The following LIMS1 variants were observed in gnomAD, a reference collection of about 807,000 sequenced individuals.
LIMS1 encodes LIM zinc finger domain containing 1.
LIMS1 carries 18 observed loss-of-function variants against 44.1 expected under a neutral mutation model. That is an observed-to-expected ratio of 0.41 (90% CI 0.28 to 0.61). LIMS1 has a LOEUF of 0.61. Among genes scored for constraint, LIMS1 ranks in the 20% least tolerant of loss-of-function variants. LIMS1 has a pLI of 0.32. For synonymous variants in LIMS1, 93 were observed against 149.1 expected (o/e 0.62, Z 2.74); for missense variants, 201 against 422.0 (o/e 0.48, Z 4.59).
intron 1 of LIMS1, among the ~76,000 whole-genome samples, chr2:108,613,568 G>A (rs897331556): frequency 6.6e-6 from 1 of 152,096 alleles, no homozygotes; most frequent in Admixed American, 6.5e-5. Flanking sequence ...AGCTCAAGCT[G>A]CTGTCTGTTC....
chr2:108,678,039 T>C lies in LIMS1; in HGVS notation c.823+12T>C. On this transcript the variant is annotated intron_variant, in intron 8 of 9. Coordinates refer to ENST00000544547, the Ensembl canonical transcript of LIMS1. ...TATAGAAGGTGATGGTAAGTATCTG[T>C]GTGAGTTTTAGATTGGTGCCACTTT... 9 of 1,606,698 alleles carry C rather than the reference T, an allele frequency of 5.6e-6. No homozygotes were observed. Among genetic ancestry groups the C allele is most frequent in the Non-Finnish European group, 6.8e-6 (8 of 1,178,834 alleles).
intron 1 of LIMS1, among the ~76,000 whole-genome samples, chr2:108,575,373 G>A (rs183374067): frequency 1.3e-5 from 2 of 152,288 alleles, no homozygotes; most frequent in East Asian, 1.9e-4. Flanking sequence ...TGAAACCTGA[G>A]TCCTCTCAGT....
chr2:108,677,804 A>C (rs561579074), intron 7 of LIMS1, among the ~76,000 whole-genome samples, 175 bp from the exon 8 acceptor site: 1 of 152,360 alleles, frequency 6.6e-6, no homozygotes, highest in Non-Finnish European at 1.5e-5. Flanking sequence ...TTTTTCTTTT[A>C]ATTGATGAGA....
intron 1 of LIMS1, among the ~76,000 whole-genome samples, chr2:108,615,841 A>G (rs1312749052): frequency 2.6e-5 from 4 of 152,222 alleles, no homozygotes; most frequent in African/African-American, 9.6e-5. Flanking sequence ...TTCTGATTCA[A>G]GTGGAACAAT....
rs149119038 is a variant in LIMS1, at chr2:108,621,421, G to A, written c.33-38184G>A. The A allele has an allele frequency of 1.7e-5, 26 of 1,551,204 alleles. No homozygotes were observed. In the East Asian group the frequency reaches 3.9e-4, roughly 23 times the overall value. The stretch of plus-strand genomic sequence containing the variant: ...CTACAGGAGAAGACGAGATCGCCCC[G>A]ATAGTTTGAGAGTAAATGGGTTACC... On this transcript the variant is annotated intron_variant, in intron 1 of 9. Transcript: ENST00000544547.
At chr2:108,561,708 T>C (rs1311122794) in intron 1 of LIMS1, among the ~76,000 whole-genome samples, 2 of 152,032 alleles carry the variant, frequency 1.3e-5, no homozygotes, top group African/African-American at 2.4e-5. Context: ...GTTATGATTA[T>C]ATGTTGTGGT....
At chr2:108,641,997 A>G (rs1197589050) in intron 1 of LIMS1, among the ~76,000 whole-genome samples, 1 of 152,224 alleles carries the variant, frequency 6.6e-6, no homozygotes, top group East Asian at 1.9e-4. Context: ...AGAGGATGAT[A>G]GTAGAAACAG....
chr2:108,611,214 C>T (rs1687580860), intron 1 of LIMS1, among the ~76,000 whole-genome samples: 1 of 152,134 alleles, frequency 6.6e-6, no homozygotes. Context: ...TGTCTCATCA[C>T]CTTTGAAATG....
chr2:108,552,585 G>GT (rs1684791678), intron 1 of LIMS1, among the ~76,000 whole-genome samples: 6 of 101,868 alleles, frequency 5.9e-5, no homozygotes, highest in African/African-American at 1.8e-4. Flanking sequence ...ATATATTTTG[G>GT]GTGTGTGTGT....
chr2:108,562,038 G>A (rs767058285), intron 1 of LIMS1, among the ~76,000 whole-genome samples: 4 of 151,960 alleles, frequency 2.6e-5, no homozygotes, highest in Admixed American at 6.6e-5. Flanking sequence ...CACCATGCCC[G>A]GCCAGTGATC....
rs10596766 is a variant in LIMS1 at position 108,569,764 on chromosome 2, C to CTTTTTTTTTTTTTTTTTTT, written c.32+35171_32+35189dup. On this transcript the variant is annotated intron_variant, in intron 1 of 9. Transcript: ENST00000544547. ...TACAAACACTCACCGCCATATCTGG[C>CTTTTTTTTTTTTTTTTTTT]TTTTTTTTTTTTTTTTTTTAGTGAT... 4.3e-4 allele frequency among the ~76,000 whole-genome samples: 49 copies of CTTTTTTTTTTTTTTTTTTT among 113,126 alleles called. 2 individuals are homozygous for CTTTTTTTTTTTTTTTTTTT. Among genetic ancestry groups the CTTTTTTTTTTTTTTTTTTT allele is most frequent in the South Asian group, 2.0e-3 (6 of 3,062 alleles). The allele number at this position is 113,126 out of a possible 152,430, so 74.2% of individuals were successfully genotyped here. A position where few individuals can be genotyped will look rare whatever the true frequency, so the allele number is the denominator to read the frequency against.
At chr2:108,616,540 T>A (rs150571406) in intron 1 of LIMS1, among the ~76,000 whole-genome samples, 1 of 152,296 alleles carries the variant, frequency 6.6e-6, no homozygotes, top group African/African-American at 2.4e-5. Context: ...GCTCAGCCTG[T>A]CCAGTCAGAT....
chr2:108,623,903 G>T (rs79165193), intron 1 of LIMS1, among the ~76,000 whole-genome samples: 2 of 152,234 alleles, frequency 1.3e-5, no homozygotes, highest in Non-Finnish European at 2.9e-5. Flanking sequence ...AACACGAGAT[G>T]CACGTGCTTA....
At chr2:108,595,701 A>C (rs535570561) in intron 1 of LIMS1, among the ~76,000 whole-genome samples, 1 of 152,120 alleles carries the variant, frequency 6.6e-6, no homozygotes, top group Admixed American at 6.6e-5. Context: ...TTGGCTCTCA[A>C]CTGTGGGACT....
chr2:108,646,628 A>T (rs181456407), intron 1 of LIMS1, among the ~76,000 whole-genome samples: 1 of 152,340 alleles, frequency 6.6e-6, no homozygotes, highest in Admixed American at 6.5e-5. Context: ...AGTAACTAAG[A>T]TCAGAGCAGA....
intron 1 of LIMS1, among the ~76,000 whole-genome samples, chr2:108,572,436 GC>G (rs1685512319): frequency 7.1e-6 from 1 of 141,042 alleles, no homozygotes; most frequent in Non-Finnish European, 1.5e-5. Flanking sequence ...AGGCTGGAGT[GC>G]AGTGGCGCAG....
chr2:108,602,830 A>G (rs1405157023), intron 1 of LIMS1, among the ~76,000 whole-genome samples: 2 of 152,138 alleles, frequency 1.3e-5, no homozygotes, highest in Admixed American at 6.5e-5. Context: ...GAGTAGTGCA[A>G]TCATGGTTCA....
At chr2:108,626,790 C>G (rs950514765) in intron 1 of LIMS1, among the ~76,000 whole-genome samples, 2 of 152,174 alleles carry the variant, frequency 1.3e-5, no homozygotes, top group Non-Finnish European at 2.9e-5. Context: ...ATGTATCTAT[C>G]AGAGTATAGA....
At chr2:108,649,215 C>T (rs1355581571) in intron 1 of LIMS1, among the ~76,000 whole-genome samples, 1 of 152,184 alleles carries the variant, frequency 6.6e-6, no homozygotes, top group Non-Finnish European at 1.5e-5. Context: ...AGCCAACAGA[C>T]ATGAAAAACA....
Sources: gnomAD v4.1 joint callset for allele counts (sites outside exome capture counted in the v4.1 genomes callset) on GRCh38, gnomAD v4.1.1 for gene constraint, MANE v1.5 for transcripts, NCBI Gene and HGNC (gene_info 2026-07-23, HGNC 2026-07-21) for gene names.